The following SEPTIN7 variants were observed in gnomAD, a reference collection of about 807,000 sequenced individuals.
SEPTIN7 encodes septin 7.
A neutral mutation model predicts 63.3 loss-of-function variants in SEPTIN7; 10 were observed. The observed-to-expected ratio is 0.16, with a 90% CI of 0.10 to 0.27. SEPTIN7 has a LOEUF of 0.27. Among genes scored for constraint, SEPTIN7 ranks in the 10% least tolerant of loss-of-function variants. SEPTIN7 has a pLI of 1.00. For missense variants in SEPTIN7, 310 were observed against 521.0 expected, an observed-to-expected ratio of 0.59 and a Z score of 3.94; for synonymous variants, 131 against 165.3, an observed-to-expected ratio of 0.79 and a Z score of 1.59.
At chr7:35,893,851 G>A (rs1266717181) in intron 11 of SEPTIN7, among the ~76,000 whole-genome samples, 2 of 152,188 alleles carry the variant, frequency 1.3e-5, no homozygotes, top group African/African-American at 2.4e-5. Context: ...TGTCCAGTCA[G>A]CTATAATTTG....
chr7:35,858,999 CTT>C (rs1256997444), intron 3 of SEPTIN7, among the ~76,000 whole-genome samples: 1 of 152,094 alleles, frequency 6.6e-6, no homozygotes, highest in African/African-American at 2.4e-5. Context: ...CTTAAAATCT[CTT>C]TTATTTATCT....
chr7:35,903,527 G>A (rs1339520166), intron 13 of SEPTIN7, among the ~76,000 whole-genome samples: 2 of 152,050 alleles, frequency 1.3e-5, no homozygotes. Flanking sequence ...TTGGACATAA[G>A]GGTTGTTTTC....
At chr7:35,814,001 A>G (rs1475711139) in intron 1 of SEPTIN7, among the ~76,000 whole-genome samples, 1 of 151,100 alleles carries the variant, frequency 6.6e-6, no homozygotes, top group African/African-American at 2.4e-5. Context: ...AACTTCATTC[A>G]TTTAACAAAC....
At chr7:35,838,863 T>G (rs892198650) in intron 3 of SEPTIN7, among the ~76,000 whole-genome samples, 1 of 152,244 alleles carries the variant, frequency 6.6e-6, no homozygotes, top group Non-Finnish European at 1.5e-5. Flanking sequence ...GTTTATTTTT[T>G]AAATGGTTGA....
At chr7:35,828,816 A>C (rs1783653663) in intron 1 of SEPTIN7, among the ~76,000 whole-genome samples, 1 of 152,208 alleles carries the variant, frequency 6.6e-6, no homozygotes, top group Non-Finnish European at 1.5e-5. Flanking sequence ...GCTGGAGTGT[A>C]GTGGCATGAT....
chr7:35,888,645 C>G (rs28417685), intron 10 of SEPTIN7, among the ~76,000 whole-genome samples: 2,243 of 152,000 alleles, frequency 0.015, 51 homozygotes, highest in African/African-American at 0.05. Flanking sequence ...CATGGTGAAA[C>G]CTCGTCCCTA....
chr7:35,835,779 T>G (rs1416061264), intron 3 of SEPTIN7, among the ~76,000 whole-genome samples: 1 of 152,198 alleles, frequency 6.6e-6, no homozygotes, highest in Non-Finnish European at 1.5e-5. Context: ...CATTTGCTAT[T>G]CTCCTAGTCA....
downstream of SEPTIN7, among the ~76,000 whole-genome samples, chr7:35,907,475 T>C (rs532660245): frequency 1.3e-5 from 2 of 152,226 alleles, no homozygotes; most frequent in South Asian, 2.1e-4. Flanking sequence ...AATAAATGAA[T>C]AAGTTAAACA....
intron 1 of SEPTIN7, among the ~76,000 whole-genome samples, chr7:35,807,562 ACTGTGTTAG>A (rs1788432894): frequency 2.0e-5 from 3 of 151,600 alleles, no homozygotes; most frequent in Admixed American, 6.6e-5. Context: ...ACGGGGTTTC[ACTGTGTTAG>A]CCAGGATGGT....
At chr7:35,857,889 G>C (rs1051334717) in intron 3 of SEPTIN7, among the ~76,000 whole-genome samples, 6 of 152,104 alleles carry the variant, frequency 3.9e-5, no homozygotes, top group Admixed American at 3.3e-4. Flanking sequence ...CAAAAAAAGG[G>C]GGGTGGGGTG....
At chr7:35,824,581 A>G (rs1156430401) in intron 1 of SEPTIN7, among the ~76,000 whole-genome samples, 1 of 152,192 alleles carries the variant, frequency 6.6e-6, no homozygotes, top group African/African-American at 2.4e-5. Context: ...AACTCAGATG[A>G]TTTCTACTTT....
At chr7:35,802,294 AT>A in intron 1 of SEPTIN7, 2 of 354,670 alleles carry the variant, frequency 5.6e-6, no homozygotes, top group East Asian at 7.5e-5. Flanking sequence ...AGCAACCGAG[AT>A]TTTTCTAGGA....
intron 11 of SEPTIN7, among the ~76,000 whole-genome samples, chr7:35,893,248 C>CT (rs1296033750): frequency 4.0e-5 from 6 of 151,802 alleles, no homozygotes; most frequent in Non-Finnish European, 1.5e-5. Flanking sequence ...GCAACGTATT[C>CT]TTTGACAGTG....
rs1788490255 is a variant in SEPTIN7 at position 35,904,241 on chromosome 7, T to G, written c.1275-13T>G. On this transcript the variant is annotated splice_polypyrimidine_tract_variant and intron_variant, in intron 13 of 13. Transcript: ENST00000350320. ...TGGTTACTCATCTTGCTTATTTTCC[T>G]TTTATCCTTTAGAACCTTGGAAAAG... 10 of 1,535,858 alleles carry G rather than the reference T, an allele frequency of 6.5e-6. No individual in the cohort carries two copies. The South Asian group carries it at 1.3e-4, about 19-fold the overall frequency.
intron 3 of SEPTIN7, among the ~76,000 whole-genome samples, chr7:35,842,022 A>G (rs575700142): frequency 8.5e-5 from 13 of 152,326 alleles, no homozygotes; most frequent in African/African-American, 2.6e-4. Flanking sequence ...ACTACAGTCT[A>G]GCACCAAAGG....
intron 3 of SEPTIN7, 55 bp from the exon 4 acceptor site, chr7:35,863,497 T>G: frequency 9.4e-7 from 1 of 1,065,054 alleles, no homozygotes; most frequent in Non-Finnish European, 1.4e-6. Context: ...TGTTGAATAT[T>G]TAAGATTGCG....
At chr7:35,853,841 G>C (rs1208343616) in intron 3 of SEPTIN7, among the ~76,000 whole-genome samples, 1 of 152,194 alleles carries the variant, frequency 6.6e-6, no homozygotes, top group Non-Finnish European at 1.5e-5. Context: ...ATGGATAAAT[G>C]AGAGTGGGTA....
intron 9 of SEPTIN7, 122 bp downstream of exon 9, chr7:35,884,109 A>T: frequency 1.8e-6 from 1 of 541,110 alleles, no homozygotes; most frequent in South Asian, 3.2e-5. Flanking sequence ...CAAGGATAAT[A>T]CTGATTTCAG....
chr7:35,874,410 C>A (rs532411877), intron 6 of SEPTIN7, among the ~76,000 whole-genome samples: 1 of 152,106 alleles, frequency 6.6e-6, no homozygotes, highest in African/African-American at 2.4e-5. Flanking sequence ...TTTTGTACTT[C>A]TGCTGTCATT....
Sources: allele counts gnomAD v4.1 joint callset (sites outside exome capture counted in the v4.1 genomes callset), GRCh38; gene constraint gnomAD v4.1.1; transcripts MANE v1.5; gene names NCBI Gene and HGNC (gene_info 2026-07-23, HGNC 2026-07-21).